FANCC: variants seen among roughly 807,000 people sequenced by gnomAD.
The protein encoded by FANCC is FA complementation group C.
In FANCC, 55 loss-of-function variants were observed where a neutral mutation model predicts 71.3. That is an observed-to-expected ratio of 0.77 (90% CI 0.62 to 0.97). The LOEUF is 0.97. FANCC is among the 50% of genes least tolerant of loss of function. FANCC has a pLI of 0.00. For synonymous variants in FANCC, 275 were observed against 244.9 expected, an observed-to-expected ratio of 1.12 and a Z score of -1.15; for missense variants, 678 against 670.9, an observed-to-expected ratio of 1.01 and a Z score of -0.12.
At chr9:95,284,918 G>A (rs1046992044) in intron 1 of FANCC, among the ~76,000 whole-genome samples, 4 of 147,806 alleles carry the variant, frequency 2.7e-5, no homozygotes, top group Admixed American at 6.8e-5. Context: ...ATACGCATGC[G>A]CACACGCACA....
chr9:95,232,644 C>CA (rs1389053715), intron 4 of FANCC, among the ~76,000 whole-genome samples: 4 of 152,104 alleles, frequency 2.6e-5, no homozygotes, highest in African/African-American at 9.7e-5. Flanking sequence ...AATGTTATCT[C>CA]AAAACACTCC....
At chr9:95,292,601 C>G in intron 1 of FANCC, 1 of 1,462,490 alleles carries the variant, frequency 6.8e-7, no homozygotes, top group East Asian at 2.3e-5. Context: ...GCACCGTGCG[C>G]GGCTGCCGCA....
chr9:95,182,946 C>G (rs572499719), intron 4 of FANCC, among the ~76,000 whole-genome samples: 79 of 152,110 alleles, frequency 5.2e-4, no homozygotes, highest in Admixed American at 1.6e-3. Context: ...CCTGTCACCC[C>G]CTAAGGCTCC....
At chr9:95,116,168 A>G (rs2072400826) in intron 11 of FANCC, among the ~76,000 whole-genome samples, 1 of 152,228 alleles carries the variant, frequency 6.6e-6, no homozygotes. Context: ...AAACTGAGAC[A>G]CTAACAACTC....
At position 95,187,499 on chromosome 9, in the gene FANCC, G is replaced by T. The variant is rs142975637; in HGVS notation, c.346-15352C>A. The stretch of plus-strand genomic sequence containing the variant: ...TGAAAACCGGAGGGCCTAAGTCAGC[G>T]TTTCTCAGGATGTCATGTACAGAGA... On this transcript the variant is annotated intron_variant, in intron 4 of 14. Coordinates refer to ENST00000289081, the MANE Select transcript of FANCC (RefSeq NM_000136.3). Among the ~76,000 whole-genome samples the T allele has an allele frequency of 3.9e-5, 6 of 152,332 alleles. No homozygotes were observed. The East Asian group carries it at 1.2e-3, about 29-fold the overall frequency.
chr9:95,123,794 CA>C (rs1388307978), intron 10 of FANCC: 1 of 697,188 alleles, frequency 1.4e-6, no homozygotes, highest in Non-Finnish European at 2.7e-6. Context: ...TTGTGAAGCC[CA>C]CAAGGACTGA....
At position 95,155,331 on chromosome 9, in the gene FANCC, AAGGAAGGG is replaced by A. The variant is rs1281640636; in HGVS notation, c.522-5252_522-5245del. On this transcript the variant is annotated intron_variant, in intron 6 of 14. Transcript: ENST00000289081. Reference sequence around the variant, plus strand: ...GGAGGGGAGGGGAGGGGAGGGGAGGAAGGAAGGGAGGAAGGGAGGGAGGGAGGGAGGGA... The same window carrying A: ...GGAGGGGAGGGGAGGGGAGGGGAGGAAGGAAGGGAGGGAGGGAGGGAGGGA... Among the ~76,000 whole-genome samples, 43 of 29,038 alleles carry A rather than the reference AAGGAAGGG, an allele frequency of 1.5e-3. 1 individual carries two copies. The East Asian group carries it at 0.048, about 32-fold the overall frequency. The allele number at this position is 29,038 out of a possible 152,430, so 19.1% of individuals were successfully genotyped here. A position where few individuals can be genotyped will look rare whatever the true frequency, so the allele number is the denominator to read the frequency against.
At chr9:95,127,120 G>C (rs964541688) in intron 8 of FANCC, 1 of 154,270 alleles carries the variant, frequency 6.5e-6, no homozygotes, top group African/African-American at 2.4e-5. Context: ...GCGTTAAGAT[G>C]AAAAGGGGGT....
At chr9:95,119,697 G>A (rs953272207) in intron 10 of FANCC, among the ~76,000 whole-genome samples, 4 of 151,222 alleles carry the variant, frequency 2.6e-5, no homozygotes, top group Middle Eastern at 3.3e-3. Context: ...ATCTATCAAA[G>A]AATAGAAATT....
At chr9:95,269,359 T>C (rs1378453425) in intron 1 of FANCC, among the ~76,000 whole-genome samples, 1 of 152,242 alleles carries the variant, frequency 6.6e-6, no homozygotes, top group Non-Finnish European at 1.5e-5. Context: ...ATGGGGGAAT[T>C]GTTTTTACAA....
At chr9:95,119,137 T>C (rs922684424) in intron 10 of FANCC, among the ~76,000 whole-genome samples, 1 of 152,202 alleles carries the variant, frequency 6.6e-6, no homozygotes, top group Non-Finnish European at 1.5e-5. Context: ...CTCTGCACTT[T>C]CCTGATGGCA....
rs763197287 is a variant in FANCC at position 95,166,775 on chromosome 9, A to G, written c.521+4304T>C. 5.3e-5 allele frequency among the ~76,000 whole-genome samples: 8 copies of G among 152,142 alleles called. No homozygotes were observed. In the East Asian group the frequency reaches 1.3e-3, roughly 26 times the overall value. On this transcript the variant is annotated intron_variant, in intron 6 of 14. Transcript: ENST00000289081. ...AGTTTACTATGGGACTGGAGCATCT[A>G]TAGATTTTGGTATGTGTGGGAAGTC...
chr9:95,143,780 A>C (rs1829112948), intron 7 of FANCC, among the ~76,000 whole-genome samples: 1 of 152,226 alleles, frequency 6.6e-6, no homozygotes, highest in South Asian at 2.1e-4. Context: ...AAAGGACCTC[A>C]GCAGCCCGCC....
At chr9:95,188,439 C>T (rs989299938) in intron 4 of FANCC, among the ~76,000 whole-genome samples, 2 of 152,176 alleles carry the variant, frequency 1.3e-5, no homozygotes, top group African/African-American at 4.8e-5. Context: ...ATCATTGCCC[C>T]TAGGGAGAAG....
chr9:95,257,384 A>G (rs901453647), intron 1 of FANCC, among the ~76,000 whole-genome samples: 11 of 152,346 alleles, frequency 7.2e-5, no homozygotes, highest in Middle Eastern at 6.8e-3. Context: ...AACTCACTCA[A>G]AACTGCACAA....
At chr9:95,116,323 A>C (rs1224164237) in intron 11 of FANCC, among the ~76,000 whole-genome samples, 1 of 152,224 alleles carries the variant, frequency 6.6e-6, no homozygotes. Context: ...GAGTTTTCAT[A>C]AAACTGTCAC....
At chr9:95,304,749 CAAAAAAAAAAAAA>C (rs35105777) in intron 1 of FANCC, among the ~76,000 whole-genome samples, 3 of 44,486 alleles carry the variant, frequency 6.7e-5, no homozygotes, top group South Asian at 1.2e-3. Context: ...GACTCTATCT[CAAAAAAAAAAAAA>C]AAAAAAAAAA....
In FANCC at chr9:95,135,221, C is replaced by T. The variant is rs4647507; in HGVS notation, c.843+125G>A. 5,271 of 941,436 alleles carry T rather than the reference C, an allele frequency of 5.6e-3. 179 individuals are homozygous for T. In the African/African-American group the frequency reaches 0.071, roughly 13 times the overall value. 58.3% of individuals were successfully genotyped at this position (941,436 alleles called of 1,614,324 possible). A position where few individuals can be genotyped will look rare whatever the true frequency, so the allele number is the denominator to read the frequency against. On this transcript the variant is annotated intron_variant, in intron 8 of 14. Coordinates refer to ENST00000289081, the MANE Select transcript of FANCC (RefSeq NM_000136.3). ...ATTTCAAAAATAAAATGTAAATACA[C>T]GATTATATATAAAGGTTCCAATTGC...
chr9:95,118,933 C>T (rs1251687172), intron 10 of FANCC, among the ~76,000 whole-genome samples: 1 of 152,172 alleles, frequency 6.6e-6, no homozygotes, highest in Non-Finnish European at 1.5e-5. Flanking sequence ...GGGATGCCAT[C>T]GGAATGGAAC....
Sources: allele counts gnomAD v4.1 joint callset (sites outside exome capture counted in the v4.1 genomes callset), GRCh38; gene constraint gnomAD v4.1.1; transcripts MANE v1.5; gene names NCBI Gene and HGNC (gene_info 2026-07-23, HGNC 2026-07-21).